The following OR52K1 variants were observed in gnomAD, a reference collection of about 807,000 sequenced individuals.
OR52K1 encodes olfactory receptor family 52 subfamily K member 1.
In OR52K1, 10 loss-of-function variants were observed where a neutral mutation model predicts 8.7. That is an observed-to-expected ratio of 1.15 (90% confidence interval 0.71 to 1.95). OR52K1 has a LOEUF of 1.95. Ranked by LOEUF, OR52K1 falls within the 30% of genes most tolerant of loss-of-function variation. OR52K1 has a pLI of 0.00. For synonymous variants in OR52K1, 203 were observed against 148.5 expected, an observed-to-expected ratio of 1.37 and a Z score of -2.67; for missense variants, 431 against 397.2, an observed-to-expected ratio of 1.08 and a Z score of -0.72.
intron 1 of OR52K1, among the ~76,000 whole-genome samples, chr11:4,483,980 G>T (rs1846300788): frequency 6.6e-6 from 1 of 152,166 alleles, no homozygotes; most frequent in Non-Finnish European, 1.5e-5. Context: ...ACAAAGTATT[G>T]TAATCGGGAT....
In OR52K1 at chr11:4,489,211, T is replaced by C; in HGVS notation, c.311T>C (p.Phe104Ser). ...INFFACLVQMFFLHSFSIMES... is the reference protein window; with the variant it reads ...INFFACLVQMSFLHSFSIMES... ...TTCTTTGCCTGTCTGGTCCAGATGT[T>C]CTTCCTTCACTCCTTCTCCATCATG... The change falls in exon 2 of 2, where the codon TTC (phenylalanine) becomes TCC (serine). Residue 104 changes from phenylalanine to serine, a missense_variant. Transcript: ENST00000641528. The C allele has an allele frequency of 6.2e-7, 1 of 1,614,214 alleles. No individual in the cohort carries two copies. Among genetic ancestry groups the C allele is most frequent in the Non-Finnish European group, 8.5e-7 (1 of 1,180,034 alleles).
Position 4,489,955 on chromosome 11 carries a change from T to G in OR52K1, c.*110T>G. 1.3e-6 allele frequency: 1 copy of G among 777,070 alleles called. No homozygotes were observed. The highest frequency in any genetic ancestry group is 2.1e-6 in the Non-Finnish European group (1 of 480,632). 48.1% of individuals were successfully genotyped at this position (777,070 alleles called of 1,614,324 possible). On this transcript the variant is annotated 3_prime_UTR_variant, in exon 2 of 2. Coordinates refer to ENST00000641528, the MANE Select transcript of OR52K1 (RefSeq NM_001005171.3). ...TTGCAGAGTATCTTTGACAATTCTC[T>G]AGTATGATAAGGAAAATGAGGTTTC...
intron 1 of OR52K1, among the ~76,000 whole-genome samples, chr11:4,486,432 A>G (rs1373504887): frequency 6.6e-6 from 1 of 152,072 alleles, no homozygotes. Flanking sequence ...ATTCTTGTTC[A>G]CTGTGTAATT....
At position 4,488,943 on chromosome 11, in the gene OR52K1, T is replaced by C; in HGVS notation, c.43T>C (p.Leu15=). Residue 15 remains leucine, a synonymous_variant, in exon 2 of 2, where the codon TTG becomes CTG. Coordinates refer to ENST00000641528, the MANE Select transcript of OR52K1 (RefSeq NM_001005171.3). ...NITSTHPAVF[L]LVGIPGLEHL... ...CACCTCAACACATCCAGCTGTCTTT[T>C]TGTTGGTAGGAATTCCTGGTTTGGA... 1.2e-6 allele frequency: 2 copies of C among 1,614,064 alleles called. No individual in the cohort carries two copies. The highest frequency in any genetic ancestry group is 1.7e-6 in the Non-Finnish European group (2 of 1,179,966).
In OR52K1 at chr11:4,489,184, A is replaced by C. The variant is rs1846347314; in HGVS notation, c.284A>C (p.Asn95Thr). ...AIFWFRDQEINFFACLVQMFF... is the reference protein window; with the variant it reads ...AIFWFRDQEITFFACLVQMFF... ...TTCTGGTTCAGGGATCAGGAGATCA[A>C]CTTCTTTGCCTGTCTGGTCCAGATG... The change falls in exon 2 of 2, where the codon AAC (asparagine) becomes ACC (threonine). Residue 95 changes from asparagine (N) to threonine (T), a missense_variant. Physicochemically the swap from Asn to Thr is moderately conservative, Grantham distance 65. Transcript: ENST00000641528. The C allele has an allele frequency of 6.2e-7, 1 of 1,614,186 alleles. No homozygotes were observed. Among genetic ancestry groups the C allele is most frequent in the Non-Finnish European group, 8.5e-7 (1 of 1,180,034 alleles).
Position 4,489,895 on chromosome 11 carries a change from G to T in OR52K1, c.*50G>T, listed in dbSNP as rs944260323. On this transcript the variant is annotated 3_prime_UTR_variant, in exon 2 of 2. Coordinates refer to ENST00000641528, the MANE Select transcript of OR52K1 (RefSeq NM_001005171.3). Reference sequence around the variant, plus strand: ...CACTTGCCAAGTAATGAGAATGCTGGATTGGGGTTGAGGGGAAAAATCTAA... The same window carrying T: ...CACTTGCCAAGTAATGAGAATGCTGTATTGGGGTTGAGGGGAAAAATCTAA... 1.5e-6 allele frequency: 2 copies of T among 1,342,122 alleles called. No homozygotes were observed. The highest frequency in any genetic ancestry group is 2.1e-6 in the Non-Finnish European group (2 of 974,032). 83.1% of individuals were successfully genotyped at this position (1,342,122 alleles called of 1,614,324 possible).
At chr11:4,485,080 A>G (rs1289516710) in intron 1 of OR52K1, among the ~76,000 whole-genome samples, 1 of 152,206 alleles carries the variant, frequency 6.6e-6, no homozygotes, top group African/African-American at 2.4e-5. Context: ...ACACAAGGCC[A>G]ATTGTGTTTT....
chr11:4,489,415 G>C lies in OR52K1; in HGVS notation c.515G>C (p.Arg172Pro). 6.2e-7 allele frequency: 1 copy of C among 1,614,144 alleles called. No individual in the cohort carries two copies. The highest frequency in any genetic ancestry group is 8.5e-7 in the Non-Finnish European group (1 of 1,180,036). The part of the protein sequence containing the change: ...PFLLRRFHYC[R>P]GPVIAHCYCE... Reference sequence around the variant, plus strand: ...CTGCTCAGACGCTTCCACTACTGCCGAGGCCCAGTGATTGCCCATTGCTAC... The same window carrying C: ...CTGCTCAGACGCTTCCACTACTGCCCAGGCCCAGTGATTGCCCATTGCTAC... Residue 172 changes from arginine (R) to proline (P), a missense_variant, in exon 2 of 2, where the codon CGA becomes CCA. Arg to Pro is a moderately radical substitution (Grantham distance 103). Transcript: ENST00000641528.
chr11:4,489,844 A>G lies in OR52K1; in HGVS notation c.944A>G (p.Ter315TrpextTer25), dbSNP rs1439410075. The change falls in exon 2 of 2, where the codon TAG (stop) becomes TGG (tryptophan). Residue 315 changes from the stop codon to tryptophan (W), a stop_lost. Coordinates refer to ENST00000641528, the MANE Select transcript of OR52K1 (RefSeq NM_001005171.3). The stretch of plus-strand genomic sequence containing the variant: ...AGTCTATTCCAGAGAAAGAACATGT[A>G]GATGGATAGTTCTCTTTTTTTATCC... The part of the protein sequence containing the change: ...VLSLFQRKNM[*>W] 4.4e-6 allele frequency: 7 copies of G among 1,580,406 alleles called. No individual in the cohort carries two copies. Among genetic ancestry groups the G allele is most frequent in the Non-Finnish European group, 6.0e-6 (7 of 1,160,296 alleles).
In OR52K1 at chr11:4,489,497, C is replaced by T. The variant is rs762913808; in HGVS notation, c.597C>T (p.Ile199=). 6.2e-7 allele frequency: 1 copy of T among 1,614,120 alleles called. No homozygotes were observed. Among genetic ancestry groups the T allele is most frequent in the Non-Finnish European group, 8.5e-7 (1 of 1,180,054 alleles). Residue 199 remains isoleucine (I), a synonymous_variant, in exon 2 of 2, where the codon ATC becomes ATT. Transcript: ENST00000641528. Reference sequence around the variant, plus strand: ...GTGGGGACACTAGCTTCAACAATATCTATGGCATTGCTGTGGCCATGTTTA... The same window carrying T: ...GTGGGGACACTAGCTTCAACAATATTTATGGCATTGCTGTGGCCATGTTTA... ...LACGDTSFNN[I]YGIAVAMFIV...
chr11:4,487,862 A>T (rs1373373994), intron 1 of OR52K1, among the ~76,000 whole-genome samples: 1 of 152,160 alleles, frequency 6.6e-6, no homozygotes, highest in Non-Finnish European at 1.5e-5. Flanking sequence ...TATATTTTAT[A>T]ATTTTATAAC....
rs144424896 is a variant in OR52K1 at position 4,489,543 on chromosome 11, T to C, written c.643T>C (p.Phe215Leu). The C allele has an allele frequency of 1.9e-5, 31 of 1,614,250 alleles. No homozygotes were observed. The African/African-American group carries it at 3.5e-4, about 18-fold the overall frequency. Residue 215 changes from phenylalanine (F) to leucine (L), a missense_variant, in exon 2 of 2, where the codon TTT becomes CTT. By Grantham distance (22) the Phe-to-Leu change is conservative. Coordinates refer to ENST00000641528, the MANE Select transcript of OR52K1 (RefSeq NM_001005171.3). ...GTTTATTGTGGTGTTGGACCTGCTC[T>C]TTGTTATCCTGTCTTATGTCTTCAT... ...AMFIVVLDLL[F>L]VILSYVFILQ...
intron 1 of OR52K1, among the ~76,000 whole-genome samples, chr11:4,488,137 C>CA (rs1846335301): frequency 1.3e-5 from 2 of 152,154 alleles, no homozygotes; most frequent in South Asian, 2.1e-4. Flanking sequence ...CGTATGCTTG[C>CA]AGCATGGCTG....
chr11:4,489,096 G>A lies in OR52K1; in HGVS notation c.196G>A (p.Ala66Thr). The A allele has an allele frequency of 6.2e-7, 1 of 1,614,172 alleles. No individual in the cohort carries two copies. The highest frequency in any genetic ancestry group is 8.5e-7 in the Non-Finnish European group (1 of 1,180,032). ...ALHEPMYLFLAMLATIDLVLS... is the reference protein window; with the variant it reads ...ALHEPMYLFLTMLATIDLVLS... ...CCATGAACCCATGTACCTCTTTCTG[G>A]CCATGTTGGCAACCATTGACTTGGT... Residue 66 changes from alanine to threonine, a missense_variant, in exon 2 of 2, where the codon GCC becomes ACC. Coordinates refer to ENST00000641528, the MANE Select transcript of OR52K1 (RefSeq NM_001005171.3).
intron 1 of OR52K1, among the ~76,000 whole-genome samples, chr11:4,488,051 T>C (rs1403967549): frequency 6.6e-6 from 1 of 151,986 alleles, no homozygotes; most frequent in Non-Finnish European, 1.5e-5. Flanking sequence ...GGAAGACAGG[T>C]GGAGGGAGAG....
At chr11:4,487,547 A>G (rs1335125285) in intron 1 of OR52K1, among the ~76,000 whole-genome samples, 1 of 151,534 alleles carries the variant, frequency 6.6e-6, no homozygotes, top group Non-Finnish European at 1.5e-5. Context: ...GTTATGCTGG[A>G]TGCAGGTTGC....
chr11:4,484,833 GACACAC>G (rs57428088), intron 1 of OR52K1, among the ~76,000 whole-genome samples: 45 of 113,674 alleles, frequency 4.0e-4, no homozygotes, highest in East Asian at 2.9e-3. Context: ...AAAACACACA[GACACAC>G]ACACACACAC....
intron 1 of OR52K1, among the ~76,000 whole-genome samples, chr11:4,485,850 C>T (rs1400050628): frequency 1.3e-5 from 2 of 152,132 alleles, no homozygotes; most frequent in African/African-American, 4.8e-5. Context: ...CCTGTGGGGC[C>T]CTGTGTGATT....
Position 4,491,711 on chromosome 11 carries a change from C to T in OR52K1, c.*1866C>T, listed in dbSNP as rs188870875. The T allele has an allele frequency of 2.6e-3, 398 of 151,970 alleles. 2 individuals carry two copies. Among genetic ancestry groups the T allele is most frequent in the African/African-American group, 8.9e-3 (370 of 41,430 alleles). 9.4% of individuals were successfully genotyped at this position (151,970 alleles called of 1,614,324 possible). A position where few individuals can be genotyped will look rare whatever the true frequency, so the allele number is the denominator to read the frequency against. ...AAAAATAAAATACCACATGTTCTCA[C>T]TTATAAGTGGGAACTAAACAATGAG... is the stretch of plus-strand genomic sequence containing the variant. On this transcript the variant is annotated 3_prime_UTR_variant, in exon 2 of 2. Coordinates refer to ENST00000641528, the MANE Select transcript of OR52K1 (RefSeq NM_001005171.3).
Sources: gnomAD v4.1 joint callset for allele counts (sites outside exome capture counted in the v4.1 genomes callset) on GRCh38, gnomAD v4.1.1 for gene constraint, MANE v1.5 for transcripts, NCBI Gene and HGNC (gene_info 2026-07-23, HGNC 2026-07-21) for gene names.